Variants in GNG2 observed in about 807,000 individuals in gnomAD.
GNG2 encodes guanine nucleotide-binding protein G(I)/G(S)/G(O) subunit gamma-2.
GNG2 carries 5 observed loss-of-function variants against 5.5 expected under a neutral mutation model. The observed-to-expected ratio is 0.91, with a 90% CI of 0.48 to 1.92. GNG2 has a LOEUF of 1.92. Among genes scored for constraint, GNG2 ranks in the 30% most tolerant of loss-of-function variants. The pLI is 0.01. For missense variants in GNG2, 55 were observed against 88.4 expected, an observed-to-expected ratio of 0.62 and a Z score of 1.52; for synonymous variants, 28 against 32.0, an observed-to-expected ratio of 0.88 and a Z score of 0.42.
intron 2 of GNG2, among the ~76,000 whole-genome samples, chr14:51,854,084 G>A (rs963676303): frequency 1.3e-5 from 2 of 152,036 alleles, no homozygotes; most frequent in Non-Finnish European, 2.9e-5. Context: ...GTGTTGGCCA[G>A]GCTGGTCTCA....
chr14:51,827,926 G>A lies in GNG2; in HGVS notation c.64+119G>A, dbSNP rs553558045. ...TTGGAGAGAGAGTCTGAGAGTGGGA[G>A]GACTCAGGAGGGAGCATAAAGCTGC... On this transcript the variant is annotated intron_variant, in intron 2 of 3. Coordinates refer to the GNG2 transcript ENST00000553432. 22 of 594,590 alleles carry A rather than the reference G, an allele frequency of 3.7e-5. No individual in the cohort carries two copies. The South Asian group carries it at 4.2e-4, about 11-fold the overall frequency. 36.8% of individuals were successfully genotyped at this position (594,590 alleles called of 1,614,324 possible). A position where few individuals can be genotyped will look rare whatever the true frequency, so the allele number is the denominator to read the frequency against.
Position 51,854,355 on chromosome 14 carries a change from C to T in GNG2, c.64+26548C>T, listed in dbSNP as rs533614139. 5.9e-5 allele frequency among the ~76,000 whole-genome samples: 9 copies of T among 152,262 alleles called. No individual in the cohort carries two copies. In the East Asian group the frequency reaches 1.5e-3, roughly 26 times the overall value. ...GAGGAAGGGTTTGGAACAGTTTCTG[C>T]TTATGGGAAGACCAGAACTTCAGAA... is the stretch of plus-strand genomic sequence containing the variant. On this transcript the variant is annotated intron_variant, in intron 2 of 3. Transcript: ENST00000553432.
chr14:51,906,521 A>G (rs1318097036), intron 2 of GNG2, among the ~76,000 whole-genome samples: 1 of 152,212 alleles, frequency 6.6e-6, no homozygotes, highest in Non-Finnish European at 1.5e-5. Context: ...CTCTAGAACA[A>G]TAATTCCCAA....
intron 2 of GNG2, among the ~76,000 whole-genome samples, chr14:51,882,591 G>T (rs1262395080): frequency 6.6e-6 from 1 of 152,156 alleles, no homozygotes; most frequent in Non-Finnish European, 1.5e-5. Context: ...TTGTAGACTG[G>T]CCTGTACTTT....
chr14:51,899,850 T>G (rs954384870), intron 2 of GNG2, among the ~76,000 whole-genome samples: 1 of 152,254 alleles, frequency 6.6e-6, no homozygotes, highest in African/African-American at 2.4e-5. Flanking sequence ...TTCCATTCTT[T>G]TCACAGTGCA....
At chr14:51,906,998 G>A (rs747595153) in intron 2 of GNG2, among the ~76,000 whole-genome samples, 3 of 151,956 alleles carry the variant, frequency 2.0e-5, no homozygotes, top group East Asian at 1.9e-4. Flanking sequence ...CTCGTGATCC[G>A]CCTGCCTTGG....
At chr14:51,946,764 C>A (rs1888667252) in intron 2 of GNG2, among the ~76,000 whole-genome samples, 1 of 152,074 alleles carries the variant, frequency 6.6e-6, no homozygotes, top group Non-Finnish European at 1.5e-5. Flanking sequence ...GACTCTAAAC[C>A]CAAAATGGAT....
intron 2 of GNG2, among the ~76,000 whole-genome samples, chr14:51,881,678 T>C (rs1480140300): frequency 6.6e-6 from 1 of 151,368 alleles, no homozygotes; most frequent in Non-Finnish European, 1.5e-5. Context: ...AGAATAGGCA[T>C]TTGACTTTTA....
chr14:51,945,854 A>C (rs1888612807), intron 2 of GNG2, among the ~76,000 whole-genome samples: 1 of 151,580 alleles, frequency 6.6e-6, no homozygotes, highest in South Asian at 2.1e-4. Context: ...TTATTTGCAC[A>C]GGTAAACATC....
At chr14:51,916,575 T>C in intron 2 of GNG2, 3 of 435,948 alleles carry the variant, frequency 6.9e-6, no homozygotes, top group South Asian at 5.0e-5. Context: ...GATTTGCAGC[T>C]GGCGCAGCTT....
chr14:51,953,071 T>A (rs1889081369), intron 3 of GNG2, among the ~76,000 whole-genome samples: 1 of 152,182 alleles, frequency 6.6e-6, no homozygotes, highest in Non-Finnish European at 1.5e-5. Flanking sequence ...TCCAGTCTCC[T>A]TTGCCCCTCT....
At chr14:51,866,170 C>G (rs547799941) in intron 1 of GNG2, among the ~76,000 whole-genome samples, 2 of 152,172 alleles carry the variant, frequency 1.3e-5, no homozygotes, top group Admixed American at 1.3e-4. Context: ...CTGGCCAGCC[C>G]GGGTGTGGGG....
intron 2 of GNG2, among the ~76,000 whole-genome samples, chr14:51,939,250 AAAGCTT>A: frequency 6.6e-6 from 1 of 152,216 alleles, no homozygotes; most frequent in African/African-American, 2.4e-5. Flanking sequence ...ATAAAAACTA[AAAGCTT>A]ACATGTCATT....
chr14:51,957,042 G>C (rs967309374), intron 3 of GNG2, among the ~76,000 whole-genome samples: 8 of 134,776 alleles, frequency 5.9e-5, no homozygotes, highest in African/African-American at 2.1e-4. Context: ...CTTACTTCCC[G>C]GTTCTCAGTC....
intron 2 of GNG2, chr14:51,877,922 A>T (rs1411353529): frequency 1.1e-5 from 3 of 272,998 alleles, no homozygotes; most frequent in Non-Finnish European, 2.2e-5. Flanking sequence ...CTGCTGTCTT[A>T]ACAGAATGTA....
chr14:51,886,353 A>T (rs1594876766), intron 2 of GNG2, among the ~76,000 whole-genome samples: 1 of 151,798 alleles, frequency 6.6e-6, no homozygotes, highest in African/African-American at 2.4e-5. Flanking sequence ...TGACCACTCT[A>T]CTCCTCATCT....
At chr14:51,878,699 T>C (rs1448224746) in intron 2 of GNG2, among the ~76,000 whole-genome samples, 2 of 152,158 alleles carry the variant, frequency 1.3e-5, no homozygotes, top group Non-Finnish European at 2.9e-5. Flanking sequence ...GTCTGCAAAT[T>C]TGGACTTTGG....
chr14:51,914,916 GC>G (rs1671499491), intron 2 of GNG2, among the ~76,000 whole-genome samples: 1 of 152,180 alleles, frequency 6.6e-6, no homozygotes, highest in Non-Finnish European at 1.5e-5. Context: ...GATGATACAT[GC>G]CCTGCCATCA....
At chr14:51,841,548 T>A (rs1443345298) in intron 2 of GNG2, 1 of 702,110 alleles carries the variant, frequency 1.4e-6, no homozygotes, top group Non-Finnish European at 2.6e-6. Context: ...GCTAATTAAG[T>A]GTTGGAGCCC....
Sources: allele counts gnomAD v4.1 joint callset (sites outside exome capture counted in the v4.1 genomes callset), GRCh38; gene constraint gnomAD v4.1.1; transcripts MANE v1.5; gene names NCBI Gene and HGNC (gene_info 2026-07-23, HGNC 2026-07-21).